The following GALNT13 variants were observed in gnomAD, a reference collection of about 807,000 sequenced individuals.
The protein encoded by GALNT13 is UDP-GalNAc:polypeptide N-acetylgalactosaminyltransferase 13.
GALNT13 carries 28 observed loss-of-function variants against 64.2 expected under a neutral mutation model. That is an observed-to-expected ratio of 0.44 (90% CI 0.32 to 0.60). The LOEUF is 0.60. Ranked by LOEUF, GALNT13 falls within the 20% of genes least tolerant of loss-of-function variation. GALNT13 has a pLI of 0.05. For missense variants in GALNT13, 577 were observed against 669.8 expected, an observed-to-expected ratio of 0.86 and a Z score of 1.53; for synonymous variants, 214 against 224.6, an observed-to-expected ratio of 0.95 and a Z score of 0.42.
At chr2:153,580,073 T>C in the GALNT13 span, among the ~76,000 whole-genome samples, 2 of 152,186 alleles carry the variant, frequency 1.3e-5, no homozygotes, top group Admixed American at 6.5e-5. Flanking sequence ...TAAAAAAAGT[T>C]TCCATGAGAG....
At chr2:153,917,435 A>T (rs1689439239) in intron 2 of GALNT13, among the ~76,000 whole-genome samples, 1 of 152,010 alleles carries the variant, frequency 6.6e-6, no homozygotes, top group Non-Finnish European at 1.5e-5. Flanking sequence ...GGTTTTTATT[A>T]TTTTTTATTT....
chr2:153,680,985 G>A, the GALNT13 span, among the ~76,000 whole-genome samples: 124 of 152,012 alleles, frequency 8.2e-4, 3 homozygotes, highest in Middle Eastern at 0.02. Flanking sequence ...CTTCAGGGCC[G>A]TAGGCCAAGA....
At chr2:153,214,591 C>G in the GALNT13 span, among the ~76,000 whole-genome samples, 11 of 152,068 alleles carry the variant, frequency 7.2e-5, no homozygotes, top group Admixed American at 7.2e-4. Context: ...ATGTCTTAGG[C>G]CACACGCTGC....
chr2:154,333,738 C>G (rs1464489991), intron 9 of GALNT13, among the ~76,000 whole-genome samples: 1 of 152,002 alleles, frequency 6.6e-6, no homozygotes, highest in African/African-American at 2.4e-5. Flanking sequence ...ACAGCTCTTG[C>G]TATTGTAAAG....
chr2:154,369,299 C>T (rs1308388087), intron 9 of GALNT13, among the ~76,000 whole-genome samples: 1 of 151,998 alleles, frequency 6.6e-6, no homozygotes, highest in Non-Finnish European at 1.5e-5. Flanking sequence ...TGCTCACTTA[C>T]ATGTAACCTG....
At chr2:153,823,829 A>G in the GALNT13 span, among the ~76,000 whole-genome samples, 4 of 152,196 alleles carry the variant, frequency 2.6e-5, no homozygotes, top group African/African-American at 9.7e-5. Flanking sequence ...GAGTAAATAG[A>G]TGACCTATAC....
At chr2:154,015,325 A>G (rs1011289252) in intron 3 of GALNT13, among the ~76,000 whole-genome samples, 12 of 152,244 alleles carry the variant, frequency 7.9e-5, no homozygotes, top group Non-Finnish European at 1.3e-4. Flanking sequence ...ACAATAAAAA[A>G]TTAAATTAGT....
At chr2:153,275,532 T>C in the GALNT13 span, among the ~76,000 whole-genome samples, 1 of 152,190 alleles carries the variant, frequency 6.6e-6, no homozygotes, top group East Asian at 1.9e-4. Context: ...CTTGGACTTC[T>C]CAGCCTCCAG....
chr2:153,148,817 A>G, the GALNT13 span, among the ~76,000 whole-genome samples: 1 of 151,918 alleles, frequency 6.6e-6, no homozygotes. Flanking sequence ...AAAGACATCA[A>G]CAAAATAATA....
At chr2:154,180,341 G>A (rs1009759594) in intron 4 of GALNT13, among the ~76,000 whole-genome samples, 9 of 151,390 alleles carry the variant, frequency 5.9e-5, no homozygotes, top group African/African-American at 1.9e-4. Context: ...CTTTAACATA[G>A]CTAGTATATT....
intron 9 of GALNT13, among the ~76,000 whole-genome samples, chr2:154,361,656 G>C (rs1697075797): frequency 6.6e-6 from 1 of 152,036 alleles, no homozygotes; most frequent in Admixed American, 6.6e-5. Flanking sequence ...CTGTCACATA[G>C]TGAGTACTTA....
intron 1 of GALNT13, among the ~76,000 whole-genome samples, chr2:153,896,081 A>ATATATATATTTTTTTTTTT: frequency 7.3e-6 from 1 of 136,876 alleles, no homozygotes; most frequent in African/African-American, 2.8e-5. Context: ...ATGATTTTAT[A>ATATATATATTTTTTTTTTT]TTTTTATGTT....
chr2:153,827,728 A>G, the GALNT13 span, among the ~76,000 whole-genome samples: 1 of 151,906 alleles, frequency 6.6e-6, no homozygotes, highest in African/African-American at 2.4e-5. Flanking sequence ...AAAACCAGTC[A>G]TTCCTTCCCA....
the GALNT13 span, among the ~76,000 whole-genome samples, chr2:153,844,766 T>C: frequency 6.6e-6 from 1 of 152,218 alleles, no homozygotes; most frequent in Non-Finnish European, 1.5e-5. Context: ...CTTAGGCTGT[T>C]AGAAGCAGCC....
At chr2:153,292,121 A>G in the GALNT13 span, among the ~76,000 whole-genome samples, 1 of 152,148 alleles carries the variant, frequency 6.6e-6, no homozygotes, top group African/African-American at 2.4e-5. Context: ...ATACATCATT[A>G]GTAATTTATA....
chr2:154,051,945 A>G (rs1327110907), intron 3 of GALNT13, among the ~76,000 whole-genome samples: 1 of 152,192 alleles, frequency 6.6e-6, no homozygotes, highest in Admixed American at 6.5e-5. Flanking sequence ...CTCAGTGTGC[A>G]TACCTGTTAG....
At chr2:153,683,479 G>A in the GALNT13 span, among the ~76,000 whole-genome samples, 1 of 151,648 alleles carries the variant, frequency 6.6e-6, no homozygotes, top group African/African-American at 2.4e-5. Context: ...AAAGTTCAAG[G>A]TTAACTTCAT....
At chr2:153,221,254 C>A in the GALNT13 span, among the ~76,000 whole-genome samples, 1 of 152,184 alleles carries the variant, frequency 6.6e-6, no homozygotes, top group African/African-American at 2.4e-5. Flanking sequence ...GCACTCCAGT[C>A]TGGGCGACAG....
At chr2:153,893,584 A>G (rs1460738740) in intron 1 of GALNT13, among the ~76,000 whole-genome samples, 1 of 143,922 alleles carries the variant, frequency 6.9e-6, no homozygotes, top group African/African-American at 2.4e-5. Context: ...ATTTACATAT[A>G]TGTAAATTAT....
Sources: gnomAD v4.1 joint callset for allele counts (sites outside exome capture counted in the v4.1 genomes callset) on GRCh38, gnomAD v4.1.1 for gene constraint, MANE v1.5 for transcripts, NCBI Gene and HGNC (gene_info 2026-07-23, HGNC 2026-07-21) for gene names.